SGCZ: variants seen among roughly 807,000 people sequenced by gnomAD.
SGCZ encodes zeta-sarcoglycan.
Under a neutral mutation model 41.3 loss-of-function variants are expected in SGCZ, and 40 were observed. The ratio of observed to expected loss-of-function variants is 0.97; its 90% confidence interval spans 0.75 to 1.26. SGCZ has a LOEUF of 1.26. Among genes scored for constraint, SGCZ ranks in the 50% most tolerant of loss-of-function variants. SGCZ has a pLI of 0.00. For synonymous variants in SGCZ, 206 were observed against 137.5 expected (o/e 1.50, Z -3.49); for missense variants, 552 against 369.8 (o/e 1.49, Z -4.04).
At chr8:14,111,085 T>A (rs578230470) in intron 5 of SGCZ, among the ~76,000 whole-genome samples, 1 of 151,282 alleles carries the variant, frequency 6.6e-6, no homozygotes, top group South Asian at 2.1e-4. Flanking sequence ...CAACAAACTT[T>A]AAAAAAAAAC....
At chr8:14,501,786 A>G (rs1056543032) in intron 2 of SGCZ, among the ~76,000 whole-genome samples, 2 of 152,088 alleles carry the variant, frequency 1.3e-5, no homozygotes, top group Admixed American at 1.3e-4. Flanking sequence ...TATTCTAAAT[A>G]CAACTCCAAA....
At chr8:14,331,260 T>A (rs1217275985) in intron 2 of SGCZ, among the ~76,000 whole-genome samples, 2 of 152,052 alleles carry the variant, frequency 1.3e-5, no homozygotes, top group East Asian at 1.9e-4. Flanking sequence ...TTAAACTTCA[T>A]TTTGCTATTA....
intron 1 of SGCZ, among the ~76,000 whole-genome samples, chr8:15,197,674 C>T (rs1041079135): frequency 6.6e-6 from 1 of 152,114 alleles, no homozygotes; most frequent in African/African-American, 2.4e-5. Flanking sequence ...GACCCAGCGG[C>T]GTCCAACCCC....
At chr8:14,470,881 G>T (rs1433654490) in intron 2 of SGCZ, among the ~76,000 whole-genome samples, 1 of 152,078 alleles carries the variant, frequency 6.6e-6, no homozygotes, top group Admixed American at 6.6e-5. Context: ...CACTGGCACT[G>T]AGACACAATA....
chr8:14,421,429 A>G (rs1339355192), intron 2 of SGCZ, among the ~76,000 whole-genome samples: 1 of 152,170 alleles, frequency 6.6e-6, no homozygotes, highest in Non-Finnish European at 1.5e-5. Flanking sequence ...ATGCATGTAT[A>G]TACCAGGTCT....
At chr8:14,803,972 G>A (rs984263833) in intron 1 of SGCZ, among the ~76,000 whole-genome samples, 3 of 122,032 alleles carry the variant, frequency 2.5e-5, no homozygotes, top group African/African-American at 1.1e-4. Flanking sequence ...TGGGCACACT[G>A]ACACCTCACA....
At chr8:15,072,679 G>A (rs1433721895) in intron 1 of SGCZ, among the ~76,000 whole-genome samples, 3 of 152,088 alleles carry the variant, frequency 2.0e-5, no homozygotes, top group African/African-American at 4.8e-5. Flanking sequence ...AGTCACAATG[G>A]GAGTTTTGAA....
rs747411808 is a variant in SGCZ, at chr8:14,207,032, A to C, written c.424+30560T>G. Among the ~76,000 whole-genome samples, 42 of 152,074 alleles carry C rather than the reference A, an allele frequency of 2.8e-4. 1 individual carries two copies. Among genetic ancestry groups the C allele is most frequent in the Non-Finnish European group, 8.8e-5 (6 of 68,006 alleles). On this transcript the variant is annotated intron_variant, in intron 4 of 7. Transcript: ENST00000382080. ...TGACGTTTTTGTGGAGAACTATTTA[A>C]ATTTTGTGAATAGCTGCTTAATTGG...
At chr8:15,199,228 G>A (rs970709266) in intron 1 of SGCZ, among the ~76,000 whole-genome samples, 1 of 152,032 alleles carries the variant, frequency 6.6e-6, no homozygotes, top group Non-Finnish European at 1.5e-5. Flanking sequence ...AACATTTCTT[G>A]AATGACTGCC....
chr8:14,878,742 T>G (rs1263353974), intron 1 of SGCZ, among the ~76,000 whole-genome samples: 2 of 152,212 alleles, frequency 1.3e-5, no homozygotes, highest in East Asian at 3.9e-4. Flanking sequence ...AAATAAAGAA[T>G]GGCAGAGGCA....
chr8:15,176,419 A>G (rs911743507), intron 1 of SGCZ, among the ~76,000 whole-genome samples: 15 of 152,230 alleles, frequency 9.9e-5, no homozygotes, highest in African/African-American at 3.6e-4. Context: ...TTTGACGGCA[A>G]ATAGTCTAAT....
intron 3 of SGCZ, among the ~76,000 whole-genome samples, chr8:14,242,186 G>A (rs550752198): frequency 6.6e-6 from 1 of 152,162 alleles, no homozygotes; most frequent in East Asian, 1.9e-4. Context: ...GAGAAGATAT[G>A]GGTGTTTCAG....
At chr8:14,805,730 G>C (rs9650378) in intron 1 of SGCZ, among the ~76,000 whole-genome samples, 4 of 152,016 alleles carry the variant, frequency 2.6e-5, no homozygotes, top group Non-Finnish European at 5.9e-5. Flanking sequence ...CCAAGCGGAC[G>C]TAATAGACAT....
chr8:14,847,778 T>C (rs934455693), intron 1 of SGCZ, among the ~76,000 whole-genome samples: 4 of 111,096 alleles, frequency 3.6e-5, no homozygotes, highest in Non-Finnish European at 7.3e-5. Context: ...GCTAACATCA[T>C]AGTTAATGGT....
chr8:14,960,076 G>A (rs942294007), intron 1 of SGCZ, among the ~76,000 whole-genome samples: 1 of 152,156 alleles, frequency 6.6e-6, no homozygotes, highest in African/African-American at 2.4e-5. Flanking sequence ...GATTATAAAG[G>A]TGAAGACTGA....
intron 1 of SGCZ, among the ~76,000 whole-genome samples, chr8:15,225,667 G>A (rs966080512): frequency 5.3e-5 from 8 of 152,124 alleles, no homozygotes; most frequent in African/African-American, 1.9e-4. Context: ...AACAAGTGAA[G>A]GACACATTAT....
intron 1 of SGCZ, among the ~76,000 whole-genome samples, chr8:14,918,085 A>T (rs62493337): frequency 0.013 from 2,009 of 152,294 alleles, 22 homozygotes; most frequent in Middle Eastern, 0.02. Context: ...ATGATTGCCT[A>T]CTTTCATACT....
At chr8:15,131,232 G>A (rs577134877) in intron 1 of SGCZ, among the ~76,000 whole-genome samples, 3 of 152,196 alleles carry the variant, frequency 2.0e-5, no homozygotes, top group African/African-American at 7.2e-5. Context: ...GAAGGGCCCA[G>A]TGGGAGATAA....
At chr8:14,702,662 C>T (rs557679258) in intron 1 of SGCZ, among the ~76,000 whole-genome samples, 6 of 151,874 alleles carry the variant, frequency 4.0e-5, no homozygotes, top group Non-Finnish European at 7.4e-5. Flanking sequence ...TCAAGTCAAA[C>T]ACCTTGGGGT....
Sources: allele counts gnomAD v4.1 joint callset (sites outside exome capture counted in the v4.1 genomes callset), GRCh38; gene constraint gnomAD v4.1.1; transcripts MANE v1.5; gene names NCBI Gene and HGNC (gene_info 2026-07-23, HGNC 2026-07-21).